The following CPA3 variants were observed in gnomAD, a reference collection of about 807,000 sequenced individuals.
CPA3 encodes the protein mast cell carboxypeptidase A.
Under a neutral mutation model 55.8 loss-of-function variants are expected in CPA3, and 52 were observed. The observed-to-expected ratio is 0.93, with a 90% CI of 0.75 to 1.17. The LOEUF is 1.17. CPA3 is among the 50% of genes most tolerant of loss of function. The probability of loss-of-function intolerance (pLI) is 0.00; values close to 1 mark genes in which losing one functional copy is unlikely to be tolerated. For synonymous variants in CPA3, 179 were observed against 171.2 expected, an observed-to-expected ratio of 1.05 and a Z score of -0.36; for missense variants, 547 against 509.1, an observed-to-expected ratio of 1.07 and a Z score of -0.72.
At position 148,886,175 on chromosome 3, in the gene CPA3, T is replaced by C. The variant is rs1380141932; in HGVS notation, c.1064T>C (p.Ile355Thr). 6.2e-7 allele frequency: 1 copy of C among 1,601,094 alleles called. No individual in the cohort carries two copies. The highest frequency in any genetic ancestry group is 2.2e-5 in the East Asian group (1 of 44,726). ...RYIYGPIEST[I>T]YPISGSSLDW... The stretch of plus-strand genomic sequence containing the variant: ...ATCTATGGCCCAATAGAATCAACAA[T>C]TTGTAAGTCATTCCTCTTATTTACT... The change falls in exon 10 of 11, where the codon ATT becomes ACT. Residue 355 changes from isoleucine to threonine, a missense_variant and splice_region_variant. Coordinates refer to ENST00000296046, the MANE Select transcript of CPA3 (RefSeq NM_001870.4).
At chr3:148,868,323 C>T (rs1252321179) in intron 2 of CPA3, among the ~76,000 whole-genome samples, 2 of 152,092 alleles carry the variant, frequency 1.3e-5, no homozygotes, top group African/African-American at 4.8e-5. Flanking sequence ...AGACCTCAGA[C>T]CTATTTCACA....
chr3:148,888,839 A>T (rs549703437), intron 10 of CPA3, among the ~76,000 whole-genome samples: 49 of 152,236 alleles, frequency 3.2e-4, no homozygotes, highest in Non-Finnish European at 5.7e-4. Context: ...ACAAAAATAT[A>T]TGGTGTACCT....
chr3:148,894,770 T>C (rs1367800318), intron 10 of CPA3, among the ~76,000 whole-genome samples: 2 of 152,086 alleles, frequency 1.3e-5, no homozygotes, highest in Non-Finnish European at 2.9e-5. Flanking sequence ...ACCAAGAAAA[T>C]AATGATCCTA....
Position 148,896,972 on chromosome 3 carries a change from T to A in CPA3, c.*265T>A. On this transcript the variant is annotated 3_prime_UTR_variant, in exon 11 of 11. Transcript: ENST00000296046. Reference sequence around the variant, plus strand: ...GAAAGCATTATTTTGAAAGGTGATATACAGTGGGGCACAGAAAACAAATGA... The same window carrying A: ...GAAAGCATTATTTTGAAAGGTGATAAACAGTGGGGCACAGAAAACAAATGA... 3.6e-6 allele frequency: 1 copy of A among 277,538 alleles called. No individual in the cohort carries two copies. Among genetic ancestry groups the A allele is most frequent in the African/African-American group, 2.2e-5 (1 of 46,206 alleles). 17.2% of individuals were successfully genotyped at this position (277,538 alleles called of 1,614,324 possible).
At chr3:148,873,374 C>T (rs570174556) in intron 3 of CPA3, among the ~76,000 whole-genome samples, 12 of 120,038 alleles carry the variant, frequency 1.0e-4, no homozygotes, top group Admixed American at 3.4e-4. Flanking sequence ...CGCGCGCACA[C>T]GCGCACACAC....
chr3:148,882,078 T>TA (rs1488788264), intron 7 of CPA3, among the ~76,000 whole-genome samples: 5 of 152,186 alleles, frequency 3.3e-5, no homozygotes, highest in Admixed American at 6.5e-5. Flanking sequence ...TTTTGCTAAA[T>TA]AAGAACTCTC....
intron 2 of CPA3, among the ~76,000 whole-genome samples, chr3:148,868,065 C>T (rs1713956027): frequency 6.6e-6 from 1 of 151,944 alleles, no homozygotes; most frequent in Admixed American, 6.6e-5. Flanking sequence ...CTGGCTAATT[C>T]TCTATTTTTA....
intron 6 of CPA3, among the ~76,000 whole-genome samples, chr3:148,880,714 A>G (rs1357209396): frequency 6.6e-6 from 1 of 152,118 alleles, no homozygotes; most frequent in Admixed American, 6.6e-5. Context: ...TTTGACTCCT[A>G]CCATATTTTA....
intron 3 of CPA3, among the ~76,000 whole-genome samples, chr3:148,872,049 A>G (rs151124088): frequency 5.0e-4 from 75 of 149,430 alleles, no homozygotes; most frequent in Non-Finnish European, 8.1e-4. Flanking sequence ...TAGACAGGGT[A>G]TATCAACTAC....
chr3:148,868,682 T>TA (rs375251241), intron 2 of CPA3, among the ~76,000 whole-genome samples: 9,442 of 143,434 alleles, frequency 0.066, 529 homozygotes, highest in African/African-American at 0.15. Context: ...CTGAAGTCCT[T>TA]AAAAAAAAAA....
intron 3 of CPA3, among the ~76,000 whole-genome samples, chr3:148,874,133 C>A (rs943962060): frequency 2.0e-5 from 3 of 152,126 alleles, no homozygotes; most frequent in African/African-American, 7.2e-5. Context: ...AATCTGGCAC[C>A]GTTCTGATGT....
At chr3:148,885,140 C>G (rs1576583816) in intron 9 of CPA3, among the ~76,000 whole-genome samples, 1 of 152,192 alleles carries the variant, frequency 6.6e-6, no homozygotes, top group East Asian at 1.9e-4. Flanking sequence ...CGGTCAACCA[C>G]CCTTCTTCCC....
intron 2 of CPA3, among the ~76,000 whole-genome samples, chr3:148,867,436 T>C (rs569731135): frequency 3.9e-5 from 6 of 152,220 alleles, no homozygotes; most frequent in Non-Finnish European, 7.3e-5. Context: ...ACCAAACCTT[T>C]CACATCTCAT....
In CPA3 at chr3:148,869,186, C is replaced by T. The variant is rs1713992309; in HGVS notation, c.269+147C>T. On this transcript the variant is annotated intron_variant, in intron 3 of 10. Transcript: ENST00000296046. Reference sequence around the variant, plus strand: ...GTAAGATACAGATCACAGTTACTTCCAAACACATTATCGAAGCCTGTTTAC... The same window carrying T: ...GTAAGATACAGATCACAGTTACTTCTAAACACATTATCGAAGCCTGTTTAC... The T allele has an allele frequency of 4.3e-6, 4 of 925,164 alleles. No individual in the cohort carries two copies. In the East Asian group the frequency reaches 1.1e-4, roughly 25 times the overall value. The allele number at this position is 925,164 out of a possible 1,614,324, so 57.3% of individuals were successfully genotyped here.
chr3:148,876,688 T>C (rs1437490699), intron 3 of CPA3, among the ~76,000 whole-genome samples: 2 of 152,150 alleles, frequency 1.3e-5, no homozygotes, highest in East Asian at 3.8e-4. Flanking sequence ...AGACATTTAT[T>C]TAAAATAGGT....
intron 6 of CPA3, among the ~76,000 whole-genome samples, chr3:148,881,247 A>G (rs1714354936): frequency 6.6e-6 from 1 of 152,168 alleles, no homozygotes; most frequent in Non-Finnish European, 1.5e-5. Context: ...TCTATGAAAC[A>G]TATCTCTCAT....
intron 3 of CPA3, among the ~76,000 whole-genome samples, chr3:148,872,514 A>C (rs1375223403): frequency 6.6e-6 from 1 of 152,222 alleles, no homozygotes; most frequent in Admixed American, 6.5e-5. Context: ...ATTATGTGAG[A>C]AATGCAAAAG....
chr3:148,883,851 A>C (rs755668255), intron 9 of CPA3, 36 bp downstream of exon 9: 11 of 1,441,028 alleles, frequency 7.6e-6, no homozygotes, highest in Non-Finnish European at 9.8e-7. Flanking sequence ...ATGCATCGAC[A>C]ATACCATTGA....
intron 9 of CPA3, among the ~76,000 whole-genome samples, chr3:148,884,860 C>T (rs1178733851): frequency 2.1e-5 from 3 of 139,628 alleles, no homozygotes; most frequent in Non-Finnish European, 3.2e-5. Flanking sequence ...AAAAAAAATA[C>T]ATATCCACAA....
Sources: allele counts gnomAD v4.1 joint callset (sites outside exome capture counted in the v4.1 genomes callset), GRCh38; gene constraint gnomAD v4.1.1; transcripts MANE v1.5; gene names NCBI Gene and HGNC (gene_info 2026-07-23, HGNC 2026-07-21).